The following SUCLG2 variants were observed in gnomAD, a reference collection of about 807,000 sequenced individuals.
The protein encoded by SUCLG2 is succinate-CoA ligase GDP-forming subunit beta.
In SUCLG2, 42 loss-of-function variants were observed where a neutral mutation model predicts 47.9. That is an observed-to-expected ratio of 0.88 (90% CI 0.69 to 1.14). SUCLG2 has a LOEUF of 1.14. Among genes scored for constraint, SUCLG2 ranks in the 50% most tolerant of loss-of-function variants. The pLI is 0.00. For synonymous variants in SUCLG2, 195 were observed against 197.3 expected (o/e 0.99, Z 0.10); for missense variants, 571 against 525.9 (o/e 1.09, Z -0.84).
intron 9 of SUCLG2, among the ~76,000 whole-genome samples, chr3:67,418,247 G>A (rs530015594): frequency 4.6e-5 from 7 of 152,300 alleles, no homozygotes; most frequent in East Asian, 3.9e-4. Flanking sequence ...AGCCCAGTAC[G>A]TGGCAAGTGG....
chr3:67,498,702 A>AT (rs1454381037), intron 7 of SUCLG2, among the ~76,000 whole-genome samples: 1 of 152,116 alleles, frequency 6.6e-6, no homozygotes, highest in African/African-American at 2.4e-5. Context: ...ATTATTAATT[A>AT]TTTTGTCCCC....
At chr3:67,417,936 G>T (rs932474021) in intron 9 of SUCLG2, among the ~76,000 whole-genome samples, 1 of 152,072 alleles carries the variant, frequency 6.6e-6, no homozygotes, top group African/African-American at 2.4e-5. Context: ...TTATACTGGG[G>T]GACCTCATCT....
At chr3:67,498,491 G>T (rs1246029879) in intron 7 of SUCLG2, among the ~76,000 whole-genome samples, 196 bp from the exon 8 acceptor site, 1 of 152,036 alleles carries the variant, frequency 6.6e-6, no homozygotes, top group Non-Finnish European at 1.5e-5. Flanking sequence ...AGGGACTTAC[G>T]TTCTAGTAAA....
At chr3:67,570,321 T>C (rs1707571217) in intron 2 of SUCLG2, among the ~76,000 whole-genome samples, 1 of 152,246 alleles carries the variant, frequency 6.6e-6, no homozygotes. Flanking sequence ...TTGCCAGTCC[T>C]GTGGCAACGT....
downstream of SUCLG2, among the ~76,000 whole-genome samples, chr3:67,374,221 T>A (rs1701991124): frequency 6.6e-6 from 1 of 152,220 alleles, no homozygotes; most frequent in African/African-American, 2.4e-5. Flanking sequence ...TAAGAAAGGA[T>A]GTAAGACTGA....
intron 2 of SUCLG2, among the ~76,000 whole-genome samples, chr3:67,530,279 G>T (rs1470533205): frequency 6.6e-6 from 1 of 152,114 alleles, no homozygotes; most frequent in Admixed American, 6.5e-5. Context: ...TGATGACAAG[G>T]GTTGTTTTAA....
At chr3:67,475,869 T>G in intron 9 of SUCLG2, among the ~76,000 whole-genome samples, 1 of 152,080 alleles carries the variant, frequency 6.6e-6, no homozygotes, top group East Asian at 1.9e-4. Context: ...GTTTCCCTTT[T>G]GCAAGTGTGT....
chr3:67,539,038 A>C (rs1038851076), intron 2 of SUCLG2, among the ~76,000 whole-genome samples: 1 of 152,182 alleles, frequency 6.6e-6, no homozygotes, highest in African/African-American at 2.4e-5. Context: ...TTCCTATTTG[A>C]ATACCTTTTA....
intron 1 of SUCLG2, among the ~76,000 whole-genome samples, chr3:67,648,319 G>C (rs148774945): frequency 1.1e-4 from 16 of 152,300 alleles, no homozygotes; most frequent in Admixed American, 2.6e-4. Flanking sequence ...AGGTGGATAA[G>C]AGTCCAGAAA....
chr3:67,428,676 C>T lies in SUCLG2; in HGVS notation c.1063-27825G>A, dbSNP rs575683632. Among the ~76,000 whole-genome samples, 3 of 152,206 alleles carry T rather than the reference C, an allele frequency of 2.0e-5. No individual in the cohort carries two copies. The South Asian group carries it at 6.2e-4, about 32-fold the overall frequency. ...CCAAGCTAAAGGAGGACGTTCGAACCCATCGCAAAGAAGCTAAAAACCTTG... is the reference window on the plus strand; with the variant it reads ...CCAAGCTAAAGGAGGACGTTCGAACTCATCGCAAAGAAGCTAAAAACCTTG... On this transcript the variant is annotated intron_variant, in intron 9 of 10. Transcript: ENST00000307227.
intron 10 of SUCLG2, among the ~76,000 whole-genome samples, chr3:67,395,680 A>G (rs1258725552): frequency 2.0e-5 from 3 of 152,336 alleles, no homozygotes; most frequent in South Asian, 2.1e-4. Flanking sequence ...CCTAATAGAC[A>G]TCTACAGAAC....
At chr3:67,388,907 G>A (rs1008566234) in intron 10 of SUCLG2, among the ~76,000 whole-genome samples, 1 of 152,086 alleles carries the variant, frequency 6.6e-6, no homozygotes, top group Non-Finnish European at 1.5e-5. Context: ...AGGAAGGAGT[G>A]GGTAGAGGAT....
At chr3:67,424,363 GA>G (rs1463562748) in intron 9 of SUCLG2, among the ~76,000 whole-genome samples, 1 of 152,102 alleles carries the variant, frequency 6.6e-6, no homozygotes, top group African/African-American at 2.4e-5. Flanking sequence ...GAGATTCAAG[GA>G]CTCTTTATTT....
intron 1 of SUCLG2, among the ~76,000 whole-genome samples, chr3:67,639,512 T>C (rs1010686959): frequency 2.0e-5 from 3 of 151,936 alleles, no homozygotes; most frequent in African/African-American, 4.9e-5. Context: ...ACAGACTCAC[T>C]GTGCACTCTT....
chr3:67,643,647 C>A (rs1701141914), intron 1 of SUCLG2, among the ~76,000 whole-genome samples: 1 of 152,184 alleles, frequency 6.6e-6, no homozygotes, highest in Non-Finnish European at 1.5e-5. Flanking sequence ...CCAAACACAT[C>A]TCACTGTAAT....
At chr3:67,418,919 G>A (rs1703093060) in intron 9 of SUCLG2, among the ~76,000 whole-genome samples, 1 of 151,952 alleles carries the variant, frequency 6.6e-6, no homozygotes, top group African/African-American at 2.4e-5. Flanking sequence ...ACAGGTGAAT[G>A]TTATAAGAAA....
chr3:67,546,226 G>A (rs528268524), intron 2 of SUCLG2, among the ~76,000 whole-genome samples: 1 of 152,186 alleles, frequency 6.6e-6, no homozygotes, highest in Admixed American at 6.5e-5. Context: ...TTTTTGACTT[G>A]AGTTTGGAAT....
intron 9 of SUCLG2, among the ~76,000 whole-genome samples, chr3:67,436,370 T>A (rs1703621933): frequency 6.6e-6 from 1 of 152,054 alleles, no homozygotes; most frequent in South Asian, 2.1e-4. Flanking sequence ...CACAAGGAGA[T>A]GGGCTCAGTC....
At chr3:67,634,084 C>T (rs1316944861) in intron 1 of SUCLG2, among the ~76,000 whole-genome samples, 1 of 152,148 alleles carries the variant, frequency 6.6e-6, no homozygotes, top group Admixed American at 6.5e-5. Context: ...TGTAGACACC[C>T]TCCATATATT....
Sources: gnomAD v4.1 joint callset for allele counts (sites outside exome capture counted in the v4.1 genomes callset) on GRCh38, gnomAD v4.1.1 for gene constraint, MANE v1.5 for transcripts, NCBI Gene and HGNC (gene_info 2026-07-23, HGNC 2026-07-21) for gene names.